Variants in KIAA1549 observed in about 807,000 individuals in gnomAD.
KIAA1549 encodes KIAA1549.
KIAA1549 carries 70 observed loss-of-function variants against 156.4 expected under a neutral mutation model. The ratio of observed to expected loss-of-function variants is 0.45; its 90% CI spans 0.37 to 0.55. KIAA1549 has a LOEUF of 0.55. Among genes scored for constraint, KIAA1549 ranks in the 20% least tolerant of loss-of-function variants. The probability of loss-of-function intolerance (pLI) is 0.00; values close to 1 mark genes in which losing one functional copy is unlikely to be tolerated. For missense variants in KIAA1549, 2,428 were observed against 2,540.9 expected (o/e 0.96, Z 0.96); for synonymous variants, 1,103 against 1,066.4 (o/e 1.03, Z -0.67).
rs1811624750 is a variant in KIAA1549 at position 138,894,366 on chromosome 7, C to T, written c.4008G>A (p.Val1336=). The T allele has an allele frequency of 6.2e-7, 1 of 1,613,826 alleles. No individual in the cohort carries two copies. Among genetic ancestry groups the T allele is most frequent in the Non-Finnish European group, 8.5e-7 (1 of 1,179,886 alleles). Residue 1336 remains valine, a synonymous_variant, in exon 10 of 20, where the codon GTG becomes GTA. Transcript: ENST00000422774. ...TDKLDFQPDT[V]ANIQQRQKLQ... is the part of the protein sequence containing the mutation. ...CCTTCTGACGCTGCTGAATGTTGGC[C>T]ACAGTGTCAGGCTGAAAGTCTAGCT...
In KIAA1549 at chr7:138,861,396, G is replaced by T; in HGVS notation, c.4990C>A (p.Pro1664Thr). The change falls in exon 16 of 20, where the codon CCA becomes ACA. Residue 1664 changes from proline (P) to threonine (T), a missense_variant. By Grantham distance (38) the Pro-to-Thr change is conservative. Coordinates refer to ENST00000422774, the MANE Select transcript of KIAA1549 (RefSeq NM_001164665.2). ...TPSSVELGRYPALPFPASQYI... is the reference protein window; with the variant it reads ...TPSSVELGRYTALPFPASQYI... ...TGGGAGGCCGGGAAGGGAAGGGCTG[G>T]ATACCTCCCCAGTTCCACCGAGGAT... 1.2e-6 allele frequency: 2 copies of T among 1,612,162 alleles called. No individual in the cohort carries two copies. The highest frequency in any genetic ancestry group is 2.2e-5 in the East Asian group (1 of 44,846).
intron 10 of KIAA1549, among the ~76,000 whole-genome samples, chr7:138,888,398 C>T (rs765661444): frequency 2.0e-5 from 3 of 152,206 alleles, no homozygotes; most frequent in Non-Finnish European, 4.4e-5. Context: ...GGATACTGCA[C>T]ATCTGTGTCC....
At chr7:138,902,730 A>G (rs1233100184) in intron 8 of KIAA1549, among the ~76,000 whole-genome samples, 1 of 152,022 alleles carries the variant, frequency 6.6e-6, no homozygotes, top group East Asian at 1.9e-4. Context: ...AGTCGCTTGC[A>G]CCTGGGAGGC....
At chr7:138,930,549 T>C (rs1812840329) in intron 1 of KIAA1549, among the ~76,000 whole-genome samples, 1 of 152,238 alleles carries the variant, frequency 6.6e-6, no homozygotes, top group South Asian at 2.1e-4. Flanking sequence ...TTACACCTTG[T>C]ACTTCTATGT....
At chr7:138,925,356 T>C (rs769537611) in intron 1 of KIAA1549, among the ~76,000 whole-genome samples, 44 of 152,122 alleles carry the variant, frequency 2.9e-4, no homozygotes, top group Non-Finnish European at 6.0e-4. Context: ...CTTTAAGACC[T>C]AGGCCAATCC....
chr7:138,868,218 G>C (rs1426449460), intron 14 of KIAA1549, 90 bp from the exon 15 acceptor site: 2 of 1,283,164 alleles, frequency 1.6e-6, no homozygotes, highest in Admixed American at 4.0e-5. Flanking sequence ...TGAGTACCTA[G>C]GATGTGCTAC....
chr7:138,971,708 G>A (rs1339469338), intron 1 of KIAA1549, among the ~76,000 whole-genome samples: 3 of 152,120 alleles, frequency 2.0e-5, no homozygotes, highest in African/African-American at 7.2e-5. Context: ...CCTCGAGAGG[G>A]CAAAACTCAG....
At chr7:138,952,816 C>A (rs1813539649) in intron 1 of KIAA1549, among the ~76,000 whole-genome samples, 1 of 152,152 alleles carries the variant, frequency 6.6e-6, no homozygotes, top group African/African-American at 2.4e-5. Flanking sequence ...ACAAGCATCA[C>A]CACCCCTAAT....
chr7:138,897,054 C>T (rs886762479), intron 9 of KIAA1549, among the ~76,000 whole-genome samples: 7 of 152,108 alleles, frequency 4.6e-5, no homozygotes, highest in South Asian at 2.1e-4. Context: ...TCTTTACCCA[C>T]GTGGTTTTCG....
In KIAA1549 at chr7:138,981,292, G is replaced by A. The variant is rs1814547524; in HGVS notation, c.-23C>T. 1.0e-6 allele frequency: 1 copy of A among 962,716 alleles called. No homozygotes were observed. The highest frequency in any genetic ancestry group is 5.3e-4 in the Middle Eastern group (1 of 1,880). 59.6% of individuals were successfully genotyped at this position (962,716 alleles called of 1,614,324 possible). A position where few individuals can be genotyped will look rare whatever the true frequency, so the allele number is the denominator to read the frequency against. ...CATTCCCGGCCGGCGCCCCGGCCCG[G>A]CCTCGCGGCTCAGCGGCTCTCGGGT... On this transcript the variant is annotated 5_prime_UTR_variant, in exon 1 of 20. Transcript: ENST00000422774. This position sits in a 1 kb window ranked among gnomAD's most constrained non-coding sequence, Gnocchi z 4.5.
chr7:138,880,414 T>C (rs138570002), intron 11 of KIAA1549, among the ~76,000 whole-genome samples: 164 of 152,366 alleles, frequency 1.1e-3, no homozygotes, highest in Non-Finnish European at 2.0e-3. Flanking sequence ...ATTAATCAAA[T>C]AGCATCTCTC....
intron 4 of KIAA1549, among the ~76,000 whole-genome samples, chr7:138,910,095 G>A (rs1027136328): frequency 1.3e-5 from 2 of 152,054 alleles, no homozygotes; most frequent in Non-Finnish European, 2.9e-5. Flanking sequence ...AGGAGGGGAA[G>A]TAGATAGTAG....
chr7:138,891,608 G>T (rs1584734629), intron 10 of KIAA1549, among the ~76,000 whole-genome samples: 1 of 152,214 alleles, frequency 6.6e-6, no homozygotes, highest in Admixed American at 6.5e-5. Flanking sequence ...CAGACAATCT[G>T]AAGAGGTTTC....
intron 18 of KIAA1549, 53 bp from the exon 19 acceptor site, chr7:138,840,331 T>A: frequency 6.6e-7 from 1 of 1,523,948 alleles, no homozygotes; most frequent in Non-Finnish European, 8.9e-7. Context: ...AGAGTATGGC[T>A]GCTGAGGATG....
At position 138,951,310 on chromosome 7, in the gene KIAA1549, T is replaced by C. The variant is rs556134647; in HGVS notation, c.187+29773A>G. ...GTTCACGGACACTTCCCTCCACCCG[T>C]GTCTTCGCCTCTCCCACTTCTTTAG... On this transcript the variant is annotated intron_variant, in intron 1 of 19. Transcript: ENST00000422774. Among the ~76,000 whole-genome samples the C allele has an allele frequency of 3.3e-5, 5 of 152,268 alleles. No homozygotes were observed. The South Asian group carries it at 1.0e-3, about 32-fold the overall frequency.
At chr7:138,894,728 C>T (rs1811637746) in intron 9 of KIAA1549, among the ~76,000 whole-genome samples, 1 of 152,180 alleles carries the variant, frequency 6.6e-6, no homozygotes, top group African/African-American at 2.4e-5. Context: ...CATCAGGGAT[C>T]ACAACGACAT....
intron 1 of KIAA1549, among the ~76,000 whole-genome samples, chr7:138,972,353 C>T (rs964985616): frequency 2.0e-5 from 3 of 150,094 alleles, no homozygotes; most frequent in South Asian, 4.3e-4. Context: ...AATGACACCC[C>T]AATCCCTCCC....
At chr7:138,851,727 T>C (rs529083401) in intron 17 of KIAA1549, among the ~76,000 whole-genome samples, 103 of 152,362 alleles carry the variant, frequency 6.8e-4, no homozygotes, top group Non-Finnish European at 1.2e-3. Flanking sequence ...GATCTACTTA[T>C]GATTCACCCT....
At position 138,834,508 on chromosome 7, in the gene KIAA1549, T is replaced by C. The variant is rs1437467110; in HGVS notation, c.*3398A>G. 2.2e-5 allele frequency: 5 copies of C among 225,164 alleles called. No individual in the cohort carries two copies. The East Asian group carries it at 3.2e-4, about 14-fold the overall frequency. The allele number at this position is 225,164 out of a possible 1,614,324, so 13.9% of individuals were successfully genotyped here. On this transcript the variant is annotated 3_prime_UTR_variant, in exon 20 of 20. Coordinates refer to ENST00000422774, the MANE Select transcript of KIAA1549 (RefSeq NM_001164665.2). Reference sequence around the variant, plus strand: ...TTATTTATCGGTATCTTCCATCTTCTATACCCACTCGTGCTATCTTAGATT... The same window carrying C: ...TTATTTATCGGTATCTTCCATCTTCCATACCCACTCGTGCTATCTTAGATT...
Sources: gnomAD v4.1 joint callset for allele counts (sites outside exome capture counted in the v4.1 genomes callset) on GRCh38, gnomAD v4.1.1 for gene constraint, Gnocchi (gnomAD v3.1) non-coding constraint, MANE v1.5 for transcripts, NCBI Gene and HGNC (gene_info 2026-07-23, HGNC 2026-07-21) for gene names.